PANK1: variants seen among roughly 807,000 people sequenced by gnomAD.
The protein encoded by PANK1 is pantothenate kinase 1, also known as pantothenic acid kinase 1.
Under a neutral mutation model 40.1 loss-of-function variants are expected in PANK1, and 18 were observed. The ratio of observed to expected loss-of-function variants is 0.45; its 90% CI spans 0.31 to 0.67. The LOEUF (loss-of-function observed/expected upper bound fraction) is 0.67. PANK1 is among the 30% of genes least tolerant of loss of function. PANK1 has a pLI of 0.06. For missense variants in PANK1, 457 were observed against 599.6 expected (o/e 0.76, Z 2.48); for synonymous variants, 242 against 237.7 (o/e 1.02, Z -0.17).
At chr10:89,595,545 C>T (rs538338621) in intron 3 of PANK1, among the ~76,000 whole-genome samples, 91 of 151,502 alleles carry the variant, frequency 6.0e-4, no homozygotes, top group African/African-American at 1.8e-3. Flanking sequence ...TGAGGCCAGG[C>T]GTGGTGGCTT....
chr10:89,630,518 A>T (rs1841606901), intron 1 of PANK1, among the ~76,000 whole-genome samples: 1 of 146,502 alleles, frequency 6.8e-6, no homozygotes, highest in South Asian at 2.2e-4. Context: ...TTTGAGACGG[A>T]GTCTCGCTCT....
intron 2 of PANK1, among the ~76,000 whole-genome samples, chr10:89,603,481 T>C (rs890592381): frequency 2.0e-5 from 3 of 152,174 alleles, no homozygotes; most frequent in Non-Finnish European, 4.4e-5. Context: ...AATCAAAGAC[T>C]GTATAGATCC....
intron 1 of PANK1, among the ~76,000 whole-genome samples, chr10:89,633,490 C>T (rs1224990250): frequency 6.6e-6 from 1 of 152,028 alleles, no homozygotes; most frequent in African/African-American, 2.4e-5. Context: ...TGTACACTAA[C>T]TTCCTAGTAT....
At chr10:89,599,048 T>G in intron 3 of PANK1, 1 of 538,050 alleles carries the variant, frequency 1.9e-6, no homozygotes, top group Non-Finnish European at 3.2e-6. Flanking sequence ...GACCAAAGTT[T>G]CTATCAAGGC....
intron 1 of PANK1, chr10:89,625,602 GCAGA>G (rs1288154208): frequency 1.3e-5 from 2 of 152,158 alleles, no homozygotes; most frequent in African/African-American, 4.8e-5. Context: ...TTTAGGTCAC[GCAGA>G]CAGACATTCT....
At chr10:89,636,373 G>A (rs1358415370) in intron 1 of PANK1, among the ~76,000 whole-genome samples, 1 of 151,744 alleles carries the variant, frequency 6.6e-6, no homozygotes, top group Non-Finnish European at 1.5e-5. Context: ...AGATGGAGTT[G>A]GAGTGCAGGT....
chr10:89,586,898 G>A (rs1243193185), intron 6 of PANK1, among the ~76,000 whole-genome samples: 1 of 152,118 alleles, frequency 6.6e-6, no homozygotes, highest in Non-Finnish European at 1.5e-5. Flanking sequence ...AGGCTGAGGC[G>A]GGTGGATTAC....
chr10:89,609,159 G>C (rs752777252), intron 2 of PANK1, among the ~76,000 whole-genome samples: 1 of 152,130 alleles, frequency 6.6e-6, no homozygotes, highest in Non-Finnish European at 1.5e-5. Context: ...TGATCTCCTG[G>C]GTTCAAGAGG....
rs773880494 is a variant in PANK1 at position 89,645,092 on chromosome 10, GCGCCGGCCCCACGGCGCCGGCCTGGAGCA to G, written c.-230_-202del. ...ACCTCCTCTGCGCCCTGCCCCCCGC[GCGCCGGCCCCACGGCGCCGGCCTGGAGCA>G]CGCCAGCCCCGGGCGCGGAATCGGG... On this transcript the variant is annotated 5_prime_UTR_variant, in exon 1 of 7. Transcript: ENST00000307534. 6 of 1,489,522 alleles carry G rather than the reference GCGCCGGCCCCACGGCGCCGGCCTGGAGCA, an allele frequency of 4.0e-6. No homozygotes were observed. The Admixed American group carries it at 1.1e-4, about 26-fold the overall frequency. 92.3% of individuals were successfully genotyped at this position (1,489,522 alleles called of 1,614,324 possible).
intron 1 of PANK1, among the ~76,000 whole-genome samples, chr10:89,638,092 A>G (rs1386546353): frequency 6.6e-6 from 1 of 152,208 alleles, no homozygotes; most frequent in Non-Finnish European, 1.5e-5. Context: ...TGTGTGTGCT[A>G]TATTTTTATA....
intron 1 of PANK1, chr10:89,639,265 A>G: frequency 2.2e-6 from 1 of 445,718 alleles, no homozygotes; most frequent in Non-Finnish European, 4.5e-6. Context: ...CAAGAGATTG[A>G]ACTTGCAGCC....
downstream of PANK1, chr10:89,580,448 C>G (rs1564611917): frequency 6.6e-6 from 1 of 151,676 alleles, no homozygotes; most frequent in Non-Finnish European, 1.5e-5. Flanking sequence ...CCAGCTTCCT[C>G]TTTCTCACTA....
rs1589771601 is a variant in PANK1 at position 89,599,246 on chromosome 10, G to A, written c.899+6C>T. 1 of 1,611,840 alleles carries A rather than the reference G, an allele frequency of 6.2e-7. No homozygotes were observed. Among genetic ancestry groups the A allele is most frequent in the Non-Finnish European group, 8.5e-7 (1 of 1,178,780 alleles). On this transcript the variant is annotated splice_donor_region_variant and intron_variant, in intron 3 of 6. Transcript: ENST00000307534. ...TGGGTTCAAGCACAAGCAGAAACAT[G>A]TTTACCTGGTCCCTGTAACTCTTTT... is the stretch of plus-strand genomic sequence containing the variant.
intron 1 of PANK1, among the ~76,000 whole-genome samples, chr10:89,639,416 C>A (rs1240760239): frequency 6.6e-6 from 1 of 152,200 alleles, no homozygotes; most frequent in African/African-American, 2.4e-5. Flanking sequence ...GGGACACATT[C>A]AAACCGTGGT....
chr10:89,611,777 G>A lies in PANK1; in HGVS notation c.564C>T (p.Ser188=), dbSNP rs146616899. 5.1e-5 allele frequency: 82 copies of A among 1,614,188 alleles called. No individual in the cohort carries two copies. The African/African-American group carries it at 7.6e-4, about 15-fold the overall frequency. ...TGTGAAGGCTAGAGAAGTTCTTCTC[G>A]CTGCCCATCTGAATGAACCTGTGCA... The part of the protein sequence containing the change: ...CAMHRFIQMG[S]EKNFSSLHTT... The change falls in exon 2 of 7, where the codon AGC becomes AGT. Residue 188 remains serine (S), a synonymous_variant. Coordinates refer to ENST00000307534, the MANE Select transcript of PANK1 (RefSeq NM_148977.3).
Position 89,633,526 on chromosome 10 carries a change from C to T in PANK1, c.292+11074G>A, listed in dbSNP as rs142779429. Among the ~76,000 whole-genome samples the T allele has an allele frequency of 5.3e-3, 686 of 128,370 alleles. 3 individuals carry two copies. Among genetic ancestry groups the T allele is most frequent in the Non-Finnish European group, 8.7e-3 (488 of 56,356 alleles). 84.2% of individuals were successfully genotyped at this position (128,370 alleles called of 152,430 possible). On this transcript the variant is annotated intron_variant, in intron 1 of 6. Coordinates refer to ENST00000307534, the MANE Select transcript of PANK1 (RefSeq NM_148977.3). Reference sequence around the variant, plus strand: ...GGAACACCCTAAAAACATTAACAGCCCTTTAATTTTTTTTTTTAAATCAAA... The same window carrying T: ...GGAACACCCTAAAAACATTAACAGCTCTTTAATTTTTTTTTTTAAATCAAA...
chr10:89,616,261 G>A (rs1163220728), intron 1 of PANK1, among the ~76,000 whole-genome samples: 1 of 152,090 alleles, frequency 6.6e-6, no homozygotes, highest in Non-Finnish European at 1.5e-5. Flanking sequence ...ATCCATCTTT[G>A]AGCAACAAGT....
At chr10:89,601,570 A>G (rs190427068) in intron 2 of PANK1, among the ~76,000 whole-genome samples, 5 of 152,260 alleles carry the variant, frequency 3.3e-5, no homozygotes, top group African/African-American at 4.8e-5. Context: ...TTGACTTCAC[A>G]TTACTCATTT....
intron 1 of PANK1, among the ~76,000 whole-genome samples, chr10:89,642,055 G>A (rs1841986521): frequency 6.6e-6 from 1 of 152,186 alleles, no homozygotes; most frequent in Non-Finnish European, 1.5e-5. Context: ...TCTAAGAAAA[G>A]CCTTCCAAGA....
Sources: gnomAD v4.1 joint callset for allele counts (sites outside exome capture counted in the v4.1 genomes callset) on GRCh38, gnomAD v4.1.1 for gene constraint, MANE v1.5 for transcripts, NCBI Gene and HGNC (gene_info 2026-07-23, HGNC 2026-07-21) for gene names.